The following NF1 variants were observed in gnomAD, a reference collection of about 807,000 sequenced individuals.
The protein encoded by NF1 is neurofibromin.
NF1 carries 122 observed loss-of-function variants against 325.7 expected under a neutral mutation model. The observed-to-expected ratio is 0.37, with a 90% CI of 0.32 to 0.44. NF1 has a LOEUF of 0.44. Ranked by LOEUF, NF1 falls within the 20% of genes least tolerant of loss-of-function variation. The pLI, the probability that NF1 is intolerant of heterozygous loss-of-function variation, is 1.00. For synonymous variants in NF1, 1,091 were observed against 1,186.0 expected, an observed-to-expected ratio of 0.92 and a Z score of 1.65; for missense variants, 2,140 against 3,415.4, an observed-to-expected ratio of 0.63 and a Z score of 9.31.
intron 29 of NF1, among the ~76,000 whole-genome samples, chr17:31,239,551 G>GTA (rs367935654): frequency 1.4e-5 from 1 of 73,980 alleles, no homozygotes; most frequent in African/African-American, 1.3e-4. Context: ...AAAGCAAGAT[G>GTA]GGGGGAGGAA....
At position 31,219,003 on chromosome 17, in the gene NF1, A is replaced by T; in HGVS notation, c.1528-2A>T. On this transcript the variant is annotated splice_acceptor_variant, in intron 13 of 57. Transcript: ENST00000358273. LOFTEE classifies it high-confidence loss of function. The stretch of plus-strand genomic sequence containing the variant: ...ATTGAAGTTTCCTTTTTTTCCTTGC[A>T]GAATCCAAGAAAACAGGGGCCCGAA... 6.2e-7 allele frequency: 1 copy of T among 1,611,652 alleles called. No homozygotes were observed. The highest frequency in any genetic ancestry group is 1.1e-5 in the South Asian group (1 of 90,716).
intron 29 of NF1, among the ~76,000 whole-genome samples, chr17:31,240,016 G>GGC (rs1567854579): frequency 6.6e-6 from 1 of 152,144 alleles, no homozygotes; most frequent in Non-Finnish European, 1.5e-5. Context: ...CGCCTGTCTT[G>GGC]GCCTCCCAAA....
intron 1 of NF1, among the ~76,000 whole-genome samples, chr17:31,110,250 A>G (rs1229593104): frequency 1.3e-5 from 2 of 152,232 alleles, no homozygotes; most frequent in Non-Finnish European, 2.9e-5. Flanking sequence ...AAAAATCAAT[A>G]CTAAAAAAAA....
In NF1 at chr17:31,222,236, T is replaced by A. The variant is rs1304230316; in HGVS notation, c.1721+307T>A. The A allele has an allele frequency of 2.8e-6, 3 of 1,080,400 alleles. No homozygotes were observed. In the African/African-American group the frequency reaches 4.9e-5, roughly 18 times the overall value. 66.9% of individuals were successfully genotyped at this position (1,080,400 alleles called of 1,614,324 possible). A position where few individuals can be genotyped will look rare whatever the true frequency, so the allele number is the denominator to read the frequency against. ...GGTTACTACTGTATTTTTAATAGATTTTCATAGTTATAAGCCTAGAATGAT... is the reference window on the plus strand; with the variant it reads ...GGTTACTACTGTATTTTTAATAGATATTCATAGTTATAAGCCTAGAATGAT... On this transcript the variant is annotated intron_variant, in intron 15 of 57. Transcript: ENST00000358273.
intron 5 of NF1, among the ~76,000 whole-genome samples, chr17:31,170,715 T>G (rs1395876802): frequency 6.6e-6 from 1 of 152,220 alleles, no homozygotes. Context: ...CCAATGAGTA[T>G]TCATAAACTG....
At chr17:31,337,042 G>A (rs1196818439) in intron 42 of NF1, 128 bp downstream of exon 42, 1 of 938,278 alleles carries the variant, frequency 1.1e-6, no homozygotes, top group African/African-American at 1.7e-5. Flanking sequence ...CTCCAGTAAT[G>A]ACATGAAATA....
intron 1 of NF1, among the ~76,000 whole-genome samples, chr17:31,150,680 C>T (rs369181634): frequency 6.6e-6 from 1 of 152,110 alleles, no homozygotes; most frequent in African/African-American, 2.4e-5. Context: ...GTACATAAAG[C>T]AGTCACCTAA....
intron 1 of NF1, among the ~76,000 whole-genome samples, chr17:31,099,237 G>A (rs944322101): frequency 2.0e-5 from 3 of 152,138 alleles, no homozygotes; most frequent in Non-Finnish European, 4.4e-5. Flanking sequence ...GATGGGTATC[G>A]CTTAGCAACT....
chr17:31,316,674 T>A (rs959404410), intron 36 of NF1, among the ~76,000 whole-genome samples: 1 of 152,214 alleles, frequency 6.6e-6, no homozygotes, highest in Non-Finnish European at 1.5e-5. Context: ...TAATCTGGGT[T>A]ATTTTTCCCC....
At chr17:31,322,092 T>TACACAC (rs1491535600) in intron 36 of NF1, among the ~76,000 whole-genome samples, 5 of 48,554 alleles carry the variant, frequency 1.0e-4, no homozygotes, top group South Asian at 8.9e-4. Flanking sequence ...GTAGTGTGTG[T>TACACAC]ATACACACAC....
chr17:31,101,210 T>A (rs1341687564), intron 1 of NF1, among the ~76,000 whole-genome samples: 1 of 152,068 alleles, frequency 6.6e-6, no homozygotes, highest in African/African-American at 2.4e-5. Flanking sequence ...ATAGTGGTCA[T>A]TGCTTAGTTG....
chr17:31,342,626 G>T (rs1385915128), intron 47 of NF1, among the ~76,000 whole-genome samples: 2 of 152,144 alleles, frequency 1.3e-5, no homozygotes, highest in Admixed American at 6.5e-5. Flanking sequence ...TGCAAATGGG[G>T]CATCTGCCTC....
chr17:31,204,538 A>T (rs566462804), intron 11 of NF1, among the ~76,000 whole-genome samples: 1 of 152,088 alleles, frequency 6.6e-6, no homozygotes, highest in Non-Finnish European at 1.5e-5. Context: ...CTAGTTTTTC[A>T]TACTTATTTT....
chr17:31,198,988 AT>A (rs1309834169), intron 8 of NF1, among the ~76,000 whole-genome samples: 5 of 151,686 alleles, frequency 3.3e-5, no homozygotes, highest in Non-Finnish European at 7.4e-5. Context: ...TTATTTATTT[AT>A]TTTTTTGTTA....
At chr17:31,174,032 C>G (rs1234174188) in intron 5 of NF1, among the ~76,000 whole-genome samples, 2 of 152,184 alleles carry the variant, frequency 1.3e-5, no homozygotes, top group African/African-American at 4.8e-5. Context: ...AGACTCATCT[C>G]TCTCTTAGAC....
intron 36 of NF1, among the ~76,000 whole-genome samples, chr17:31,270,212 T>C (rs2067866350): frequency 6.6e-6 from 1 of 152,216 alleles, no homozygotes; most frequent in Non-Finnish European, 1.5e-5. Context: ...AGAAGTGTGA[T>C]TGGAGGAGAT....
intron 36 of NF1, among the ~76,000 whole-genome samples, chr17:31,308,278 C>G (rs889083524): frequency 1.9e-4 from 29 of 151,928 alleles, no homozygotes; most frequent in Non-Finnish European, 3.8e-4. Context: ...GCTGGGACTA[C>G]AGTAGGCATA....
chr17:31,271,268 CA>C (rs2067889293), intron 36 of NF1, among the ~76,000 whole-genome samples: 1 of 152,078 alleles, frequency 6.6e-6, no homozygotes, highest in African/African-American at 2.4e-5. Flanking sequence ...AGAGTGTACT[CA>C]ATATAAGATA....
At chr17:31,303,196 T>C in intron 36 of NF1, among the ~76,000 whole-genome samples, 1 of 152,200 alleles carries the variant, frequency 6.6e-6, no homozygotes, top group East Asian at 1.9e-4. Flanking sequence ...AAGTGCTTGT[T>C]TCCCCCTGGA....
Sources: gnomAD v4.1 joint callset for allele counts (sites outside exome capture counted in the v4.1 genomes callset) on GRCh38, gnomAD v4.1.1 for gene constraint, MANE v1.5 for transcripts, NCBI Gene and HGNC (gene_info 2026-07-23, HGNC 2026-07-21) for gene names.